The following PLCG2 variants were observed in gnomAD, a reference collection of about 807,000 sequenced individuals.
The protein encoded by PLCG2 is phospholipase C gamma 2.
A neutral mutation model predicts 175.6 loss-of-function variants in PLCG2; 69 were observed. The observed-to-expected ratio is 0.39, with a 90% CI of 0.32 to 0.48. The LOEUF (loss-of-function observed/expected upper bound fraction) is 0.48. Ranked by LOEUF, PLCG2 falls within the 20% of genes least tolerant of loss-of-function variation. PLCG2 has a pLI of 0.91. For synonymous variants in PLCG2, 827 were observed against 624.0 expected (o/e 1.33, Z -4.85); for missense variants, 1,798 against 1,650.9 (o/e 1.09, Z -1.54).
At chr16:81,901,662 A>C (rs1224152388) in intron 14 of PLCG2, among the ~76,000 whole-genome samples, 7 of 152,248 alleles carry the variant, frequency 4.6e-5, no homozygotes, top group African/African-American at 1.4e-4. Flanking sequence ...CATTGGCAGC[A>C]AGCCACTTGC....
chr16:81,857,583 G>C (rs1194690839), intron 3 of PLCG2, among the ~76,000 whole-genome samples: 1 of 152,090 alleles, frequency 6.6e-6, no homozygotes, highest in African/African-American at 2.4e-5. Context: ...CTTGCCATGT[G>C]CTCACATGGC....
intron 2 of PLCG2, among the ~76,000 whole-genome samples, chr16:81,803,214 G>A (rs887938071): frequency 6.7e-6 from 1 of 148,308 alleles, no homozygotes. Context: ...TGCCTCATGG[G>A]TTCATGCCAT....
chr16:81,808,107 A>T (rs1904290086), intron 2 of PLCG2, among the ~76,000 whole-genome samples: 1 of 152,254 alleles, frequency 6.6e-6, no homozygotes, highest in African/African-American at 2.4e-5. Context: ...GAACATTCAT[A>T]TGCAGGATTT....
chr16:81,770,822 G>A (rs1252210538), intron 2 of PLCG2, among the ~76,000 whole-genome samples: 2 of 152,164 alleles, frequency 1.3e-5, no homozygotes, highest in East Asian at 1.9e-4. Flanking sequence ...ACTTTGCGGG[G>A]CCGAGGCGGG....
At chr16:81,900,897 C>A (rs1484122461) in intron 14 of PLCG2, 117 bp downstream of exon 14, 1 of 858,966 alleles carries the variant, frequency 1.2e-6, no homozygotes, top group Non-Finnish European at 1.8e-6. Flanking sequence ...GGTCCCACTG[C>A]ACAGGCTCAA....
chr16:81,824,438 C>G (rs182673557), intron 2 of PLCG2, among the ~76,000 whole-genome samples: 35 of 152,294 alleles, frequency 2.3e-4, no homozygotes, highest in African/African-American at 7.9e-4. Flanking sequence ...ATGGCCCCAG[C>G]CACTTATTTT....
chr16:81,840,050 T>G (rs772162791), intron 2 of PLCG2, among the ~76,000 whole-genome samples: 58 of 152,198 alleles, frequency 3.8e-4, no homozygotes, highest in Non-Finnish European at 7.6e-4. Flanking sequence ...GGGCATGACC[T>G]TGTCTCCAAA....
rs1597146191 is a variant in PLCG2 at position 81,939,780 on chromosome 16, A to T, written c.3314-112A>T. 1.9e-5 allele frequency: 13 copies of T among 698,204 alleles called. No individual in the cohort carries two copies. In the East Asian group the frequency reaches 3.2e-4, roughly 17 times the overall value. 43.3% of individuals were successfully genotyped at this position (698,204 alleles called of 1,614,324 possible). On this transcript the variant is annotated intron_variant, in intron 29 of 32. Coordinates refer to ENST00000564138, the MANE Select transcript of PLCG2 (RefSeq NM_002661.5). The stretch of plus-strand genomic sequence containing the variant: ...TTTTCTTAGATCTTGGCATAGATGC[A>T]TATTTATTTACATGGTTGCTAAGGG...
intron 1 of PLCG2, among the ~76,000 whole-genome samples, chr16:81,743,028 C>T (rs750055208): frequency 2.6e-5 from 4 of 152,112 alleles, no homozygotes; most frequent in Non-Finnish European, 4.4e-5. Context: ...TAGCTGGGTT[C>T]GGTGGCTCAT....
intron 10 of PLCG2, among the ~76,000 whole-genome samples, chr16:81,890,778 C>T (rs1908595044): frequency 6.6e-6 from 1 of 152,154 alleles, no homozygotes; most frequent in African/African-American, 2.4e-5. Context: ...TTGAAATTTC[C>T]TGCCCTTTCA....
intron 21 of PLCG2, chr16:81,921,486 T>A (rs1424996181): frequency 1.7e-6 from 1 of 577,106 alleles, no homozygotes; most frequent in Non-Finnish European, 3.1e-6. Context: ...GCAACAGTGT[T>A]TTGCTAAAAT....
intron 2 of PLCG2, among the ~76,000 whole-genome samples, chr16:81,837,475 A>C (rs1394666813): frequency 6.6e-6 from 1 of 152,228 alleles, no homozygotes; most frequent in Non-Finnish European, 1.5e-5. Flanking sequence ...TCCTGGCAGA[A>C]GGCGGAGCCC....
At position 81,958,174 on chromosome 16, in the gene PLCG2, A is replaced by C. The variant is rs1372835280; in HGVS notation, c.*176A>C. 1 of 593,738 alleles carries C rather than the reference A, an allele frequency of 1.7e-6. No homozygotes were observed. The allele number at this position is 593,738 out of a possible 1,614,324, so 36.8% of individuals were successfully genotyped here. A position where few individuals can be genotyped will look rare whatever the true frequency, so the allele number is the denominator to read the frequency against. On this transcript the variant is annotated 3_prime_UTR_variant, in exon 33 of 33. Coordinates refer to ENST00000564138, the MANE Select transcript of PLCG2 (RefSeq NM_002661.5). ...GCATGAGTTGGGGTAATTTCCTATTATTTTCATCTTGGACAACTTTCTTAA... is the reference window on the plus strand; with the variant it reads ...GCATGAGTTGGGGTAATTTCCTATTCTTTTCATCTTGGACAACTTTCTTAA...
intron 5 of PLCG2, among the ~76,000 whole-genome samples, chr16:81,864,974 T>C (rs1907158454): frequency 6.6e-6 from 1 of 151,900 alleles, no homozygotes; most frequent in Non-Finnish European, 1.5e-5. Flanking sequence ...TAGGTTGAGC[T>C]CCCAGGAAAC....
At position 81,786,106 on chromosome 16, in the gene PLCG2, G is replaced by A. The variant is rs1437145496; in HGVS notation, c.117G>A (p.Glu39=). Residue 39 remains glutamate (E), a synonymous_variant, in exon 2 of 33, where the codon GAG becomes GAA. Transcript: ENST00000564138. ...TVFSFRKSTP[E]RRTVQVIMET... ...TCAGCTTCCGCAAGTCCACCCCCGA[G>A]CGGAGAACCGTCCAGGTGATCATGG... 9.3e-6 allele frequency: 15 copies of A among 1,614,094 alleles called. No individual in the cohort carries two copies. Among genetic ancestry groups the A allele is most frequent in the Admixed American group, 1.7e-5 (1 of 60,002 alleles).
chr16:81,776,274 A>G (rs148157472), upstream of PLCG2, among the ~76,000 whole-genome samples: 129 of 150,246 alleles, frequency 8.6e-4, 1 homozygote, highest in Middle Eastern at 6.9e-3. Flanking sequence ...AGGCCAGGCT[A>G]ATGTTTTTGT....
At chr16:81,868,802 A>G (rs1185748587) in intron 5 of PLCG2, among the ~76,000 whole-genome samples, 1 of 152,198 alleles carries the variant, frequency 6.6e-6, no homozygotes, top group Non-Finnish European at 1.5e-5. Flanking sequence ...TTCCTCCATG[A>G]CCATTCCTGA....
chr16:81,747,519 A>T (rs1054258968), intron 1 of PLCG2, among the ~76,000 whole-genome samples: 2 of 152,172 alleles, frequency 1.3e-5, no homozygotes, highest in African/African-American at 4.8e-5. Context: ...TGGGCGACAG[A>T]GGAAGACTCT....
chr16:81,770,832 G>A (rs1910262803), intron 2 of PLCG2, among the ~76,000 whole-genome samples: 1 of 152,178 alleles, frequency 6.6e-6, no homozygotes, highest in Non-Finnish European at 1.5e-5. Flanking sequence ...GCCGAGGCGG[G>A]CGGATCGTGA....
Sources: allele counts gnomAD v4.1 joint callset (sites outside exome capture counted in the v4.1 genomes callset), GRCh38; gene constraint gnomAD v4.1.1; transcripts MANE v1.5; gene names NCBI Gene and HGNC (gene_info 2026-07-23, HGNC 2026-07-21).